Variants in NEGR1 observed in about 807,000 individuals in gnomAD.
NEGR1 encodes the protein neuronal growth regulator 1, also known as IgLON family member 4.
A neutral mutation model predicts 40.9 loss-of-function variants in NEGR1; 10 were observed. The observed-to-expected ratio is 0.24, with a 90% CI of 0.15 to 0.42. NEGR1 has a LOEUF of 0.42. Ranked by LOEUF, NEGR1 falls within the 10% of genes least tolerant of loss-of-function variation. The probability of loss-of-function intolerance (pLI) is 1.00; values close to 1 mark genes in which losing one functional copy is unlikely to be tolerated. For missense variants in NEGR1, 352 were observed against 438.9 expected (o/e 0.80, Z 1.77); for synonymous variants, 185 against 166.8 (o/e 1.11, Z -0.84).
chr1:72,070,428 T>C lies in NEGR1; in HGVS notation c.177-135117A>G, dbSNP rs1647412679. Among the ~76,000 whole-genome samples the C allele has an allele frequency of 2.6e-5, 4 of 152,014 alleles. No homozygotes were observed. The South Asian group carries it at 8.3e-4, about 31-fold the overall frequency. On this transcript the variant is annotated intron_variant, in intron 1 of 6. Transcript: ENST00000357731. ...TCCTGTCAATATTAGATATCAATAG[T>C]AATTTGGTGAAAAAAGTTTTCATGT... is the stretch of plus-strand genomic sequence containing the variant.
At chr1:72,232,642 TCA>T (rs1654405848) in intron 1 of NEGR1, among the ~76,000 whole-genome samples, 2 of 152,132 alleles carry the variant, frequency 1.3e-5, no homozygotes, top group Non-Finnish European at 2.9e-5. Context: ...TTTAATTGTA[TCA>T]TAGGGCCCTT....
intron 6 of NEGR1, among the ~76,000 whole-genome samples, chr1:71,495,114 G>T (rs879582131): frequency 1.3e-5 from 2 of 151,980 alleles, no homozygotes; most frequent in Non-Finnish European, 2.9e-5. Context: ...TGTTTTAATT[G>T]GCTGTTTATA....
intron 1 of NEGR1, among the ~76,000 whole-genome samples, chr1:72,119,224 A>G (rs919976957): frequency 3.3e-5 from 5 of 151,958 alleles, no homozygotes; most frequent in Admixed American, 2.6e-4. Flanking sequence ...AGTGAGCATT[A>G]ATATATAAAT....
At chr1:71,895,356 G>A (rs1019394241) in intron 2 of NEGR1, among the ~76,000 whole-genome samples, 4 of 151,998 alleles carry the variant, frequency 2.6e-5, no homozygotes, top group Admixed American at 6.6e-5. Flanking sequence ...ACCATTTTGT[G>A]TGCACAATTC....
At position 71,784,142 on chromosome 1, in the gene NEGR1, C is replaced by T. The variant is rs115108078; in HGVS notation, c.410-7845G>A. On this transcript the variant is annotated intron_variant, in intron 2 of 6. Transcript: ENST00000357731. ...GGTTTAAAACAGTAGTTTCCCACAC[C>T]CAGCTAATCATCAGGGATAACCGGA... Among the ~76,000 whole-genome samples, 869 of 152,084 alleles carry T rather than the reference C, an allele frequency of 5.7e-3. 4 individuals are homozygous for T. The highest frequency in any genetic ancestry group is 8.1e-3 in the Non-Finnish European group (550 of 67,978).
At chr1:72,212,535 T>A (rs992719032) in intron 1 of NEGR1, among the ~76,000 whole-genome samples, 1 of 151,992 alleles carries the variant, frequency 6.6e-6, no homozygotes, top group Non-Finnish European at 1.5e-5. Flanking sequence ...TTTCTGAGGA[T>A]ATTCTTATAA....
At chr1:71,706,831 A>C (rs563352853) in intron 3 of NEGR1, among the ~76,000 whole-genome samples, 1 of 152,062 alleles carries the variant, frequency 6.6e-6, no homozygotes, top group Admixed American at 6.6e-5. Context: ...CTGGGCCCTG[A>C]ATAACCAGCA....
intron 1 of NEGR1, among the ~76,000 whole-genome samples, chr1:72,280,290 T>C (rs955914748): frequency 1.3e-5 from 2 of 152,202 alleles, no homozygotes; most frequent in African/African-American, 4.8e-5. Flanking sequence ...CTAACCATAG[T>C]ATTTATTAAA....
intron 2 of NEGR1, among the ~76,000 whole-genome samples, chr1:71,827,545 C>A (rs1390490896): frequency 6.6e-6 from 1 of 151,804 alleles, no homozygotes; most frequent in East Asian, 1.9e-4. Flanking sequence ...AAGAATAGGA[C>A]CAGTATTTGC....
intron 1 of NEGR1, among the ~76,000 whole-genome samples, chr1:72,251,959 T>A (rs1057349355): frequency 1.3e-5 from 2 of 152,216 alleles, no homozygotes; most frequent in African/African-American, 4.8e-5. Flanking sequence ...CATTACTTTT[T>A]AATGTATGGC....
intron 6 of NEGR1, among the ~76,000 whole-genome samples, chr1:71,476,014 T>C (rs1332152768): frequency 6.6e-6 from 1 of 152,108 alleles, no homozygotes; most frequent in African/African-American, 2.4e-5. Context: ...ATTTATCTTT[T>C]GAGAATTCTG....
chr1:71,928,812 A>T (rs962685000), intron 2 of NEGR1, among the ~76,000 whole-genome samples: 4 of 152,018 alleles, frequency 2.6e-5, no homozygotes, highest in African/African-American at 7.2e-5. Context: ...TCTTATTGTT[A>T]TCGGTAATTG....
chr1:71,664,869 C>T (rs564359358), intron 4 of NEGR1, among the ~76,000 whole-genome samples: 3 of 152,228 alleles, frequency 2.0e-5, no homozygotes, highest in Admixed American at 2.0e-4. Context: ...TTTGGACTTA[C>T]TTTATCTAGA....
intron 2 of NEGR1, among the ~76,000 whole-genome samples, chr1:71,812,334 T>G (rs1455695951): frequency 6.6e-6 from 1 of 152,188 alleles, no homozygotes; most frequent in Non-Finnish European, 1.5e-5. Flanking sequence ...CCTTTGCTAT[T>G]ATGAATAGTG....
intron 6 of NEGR1, among the ~76,000 whole-genome samples, chr1:71,436,344 G>A (rs1268513750): frequency 6.6e-6 from 1 of 152,132 alleles, no homozygotes; most frequent in African/African-American, 2.4e-5. Context: ...ATGGAGATGG[G>A]TGCTTCTGAA....
intron 6 of NEGR1, among the ~76,000 whole-genome samples, chr1:71,513,014 C>T (rs1363156918): frequency 2.0e-5 from 3 of 152,142 alleles, no homozygotes; most frequent in East Asian, 3.9e-4. Context: ...AAAAATACCT[C>T]ATAATTATAG....
At chr1:71,756,411 CA>C (rs200281643) in intron 3 of NEGR1, among the ~76,000 whole-genome samples, 86 of 66,360 alleles carry the variant, frequency 1.3e-3, no homozygotes, top group Admixed American at 4.1e-3. Flanking sequence ...CAAAAACAAA[CA>C]AAAAAAAAAA....
At chr1:72,021,547 GA>G (rs1646756721) in intron 1 of NEGR1, among the ~76,000 whole-genome samples, 1 of 151,748 alleles carries the variant, frequency 6.6e-6, no homozygotes, top group African/African-American at 2.4e-5. Context: ...TATTGTGAAT[GA>G]AAAAAGAAAC....
chr1:71,741,813 G>A (rs1655221621), intron 3 of NEGR1, among the ~76,000 whole-genome samples: 1 of 152,150 alleles, frequency 6.6e-6, no homozygotes, highest in Admixed American at 6.5e-5. Context: ...AGAAGGTGAA[G>A]GAAGATCAGA....
Sources: gnomAD v4.1 joint callset for allele counts (sites outside exome capture counted in the v4.1 genomes callset) on GRCh38, gnomAD v4.1.1 for gene constraint, MANE v1.5 for transcripts, NCBI Gene and HGNC (gene_info 2026-07-23, HGNC 2026-07-21) for gene names.